The following PDE8A variants were observed in gnomAD, a reference collection of about 807,000 sequenced individuals.
PDE8A encodes the protein high affinity cAMP-specific and IBMX-insensitive 3',5'-cyclic phosphodiesterase 8A.
A neutral mutation model predicts 105.0 loss-of-function variants in PDE8A; 59 were observed. The observed-to-expected ratio is 0.56, with a 90% CI of 0.46 to 0.70. The LOEUF (loss-of-function observed/expected upper bound fraction) is 0.70, where lower values mean the gene tolerates loss of function less well. PDE8A is among the 30% of genes least tolerant of loss of function. The pLI, the probability that PDE8A is intolerant of heterozygous loss-of-function variation, is 0.00. For missense variants in PDE8A, 1,014 were observed against 1,045.9 expected, an observed-to-expected ratio of 0.97 and a Z score of 0.42; for synonymous variants, 355 against 371.9, an observed-to-expected ratio of 0.95 and a Z score of 0.52.
At chr15:85,132,083 T>G (rs2082337651) in intron 20 of PDE8A, among the ~76,000 whole-genome samples, 1 of 152,186 alleles carries the variant, frequency 6.6e-6, no homozygotes, top group African/African-American at 2.4e-5. Flanking sequence ...TACTTGGAGT[T>G]TATTTAGCTT....
intron 1 of PDE8A, among the ~76,000 whole-genome samples, chr15:85,031,670 T>C (rs956301151): frequency 2.0e-5 from 3 of 152,170 alleles, no homozygotes; most frequent in Admixed American, 2.0e-4. Flanking sequence ...AAATCTATAA[T>C]TAGGAATAAT....
At chr15:85,135,239 G>A (rs1335646010) in intron 20 of PDE8A, among the ~76,000 whole-genome samples, 6 of 152,132 alleles carry the variant, frequency 3.9e-5, no homozygotes, top group Non-Finnish European at 7.4e-5. Context: ...TAGAAGACAC[G>A]TCTTGTGAGT....
intron 1 of PDE8A, among the ~76,000 whole-genome samples, chr15:84,987,989 T>C (rs947655245): frequency 6.6e-6 from 1 of 152,224 alleles, no homozygotes; most frequent in African/African-American, 2.4e-5. Flanking sequence ...TAGGAGGTGA[T>C]GGATTCTGCA....
At chr15:84,993,257 C>A (rs778169330) in intron 1 of PDE8A, among the ~76,000 whole-genome samples, 6 of 151,364 alleles carry the variant, frequency 4.0e-5, no homozygotes, top group Non-Finnish European at 7.4e-5. Flanking sequence ...TCCTGGCTAA[C>A]ACGGTGAAAC....
chr15:85,010,295 T>G (rs990439445), intron 1 of PDE8A, among the ~76,000 whole-genome samples: 2 of 152,244 alleles, frequency 1.3e-5, no homozygotes, highest in East Asian at 1.9e-4. Flanking sequence ...AAAAAAACTT[T>G]CAGTGTTTAT....
chr15:85,085,403 TA>T, intron 6 of PDE8A, among the ~76,000 whole-genome samples: 1 of 152,266 alleles, frequency 6.6e-6, no homozygotes, highest in South Asian at 2.1e-4. Context: ...AACTAGAATA[TA>T]AAAACCAGAA....
rs998642496 is a variant in PDE8A at position 85,117,503 on chromosome 15, G to GAGGCC, written c.1536-135_1536-131dup. 84 of 711,938 alleles carry GAGGCC rather than the reference G, an allele frequency of 1.2e-4. No individual in the cohort carries two copies. The African/African-American group carries it at 1.4e-3, about 12-fold the overall frequency. 44.1% of individuals were successfully genotyped at this position (711,938 alleles called of 1,614,324 possible). A position where few individuals can be genotyped will look rare whatever the true frequency, so the allele number is the denominator to read the frequency against. ...CAGAGTTGGTTGGCCCCACCAGAGA[G>GAGGCC]AGGCCAGCACAGCCCAAGCAATCTC... On this transcript the variant is annotated intron_variant, in intron 16 of 21. Coordinates refer to ENST00000394553, the MANE Select transcript of PDE8A (RefSeq NM_002605.3).
chr15:85,105,500 T>A (rs976890364), intron 11 of PDE8A, among the ~76,000 whole-genome samples: 1 of 152,178 alleles, frequency 6.6e-6, no homozygotes, highest in African/African-American at 2.4e-5. Flanking sequence ...GCTGCAGGGC[T>A]AATGCGAGTT....
At chr15:85,116,723 A>T (rs2082102280) in intron 16 of PDE8A, among the ~76,000 whole-genome samples, 1 of 152,182 alleles carries the variant, frequency 6.6e-6, no homozygotes, top group Admixed American at 6.5e-5. Context: ...GTCTAGGCAG[A>T]GGTGTGCTCG....
At chr15:85,009,090 T>TGAGA (rs747103517) in intron 1 of PDE8A, among the ~76,000 whole-genome samples, 2 of 147,828 alleles carry the variant, frequency 1.4e-5, no homozygotes, top group East Asian at 4.0e-4. Flanking sequence ...TGTTAGTGTG[T>TGAGA]GAGAGAGAGA....
chr15:85,100,711 G>A (rs16974846), intron 11 of PDE8A, among the ~76,000 whole-genome samples: 13,476 of 152,178 alleles, frequency 0.089, 1,647 homozygotes, highest in African/African-American at 0.28. Flanking sequence ...TCCTTCAAAC[G>A]TGTCATGACT....
rs538682741 is a variant in PDE8A at position 85,025,709 on chromosome 15, G to A, written c.187-38661G>A. Reference sequence around the variant, plus strand: ...GGCTGACAGTGTTGAAGTGGATAGAGGTACATAGGCCACCTTTAGACCAAA... The same window carrying A: ...GGCTGACAGTGTTGAAGTGGATAGAAGTACATAGGCCACCTTTAGACCAAA... On this transcript the variant is annotated intron_variant, in intron 1 of 21. Coordinates refer to ENST00000394553, the MANE Select transcript of PDE8A (RefSeq NM_002605.3). Among the ~76,000 whole-genome samples the A allele has an allele frequency of 3.9e-5, 6 of 152,288 alleles. No homozygotes were observed. The South Asian group carries it at 1.0e-3, about 26-fold the overall frequency.
intron 1 of PDE8A, among the ~76,000 whole-genome samples, chr15:85,006,631 G>A (rs757590885): frequency 2.7e-4 from 41 of 151,362 alleles, no homozygotes; most frequent in Admixed American, 9.9e-4. Context: ...GAGAAATAGA[G>A]TTTTTCTTCT....
chr15:84,991,045 G>T (rs1013233279), intron 1 of PDE8A, among the ~76,000 whole-genome samples: 1 of 152,004 alleles, frequency 6.6e-6, no homozygotes, highest in Non-Finnish European at 1.5e-5. Context: ...TCTTTTTAAA[G>T]TTTTTATTTT....
At chr15:84,981,682 G>C (rs943889798), upstream of PDE8A, among the ~76,000 whole-genome samples, 2 of 151,322 alleles carry the variant, frequency 1.3e-5, no homozygotes, top group African/African-American at 2.4e-5. Flanking sequence ...GCGGAGTCTG[G>C]AGCCGGGGAG....
intron 20 of PDE8A, among the ~76,000 whole-genome samples, chr15:85,132,663 G>A (rs1366837867): frequency 1.3e-5 from 2 of 151,974 alleles, no homozygotes; most frequent in East Asian, 1.9e-4. Context: ...ATGAGGTTTC[G>A]CCAGGCTGGT....
intron 7 of PDE8A, chr15:85,090,707 C>T (rs773796975): frequency 6.7e-6 from 3 of 447,702 alleles, no homozygotes; most frequent in South Asian, 4.8e-5. Flanking sequence ...CCCCCACCCC[C>T]ATCTAAACAG....
chr15:85,003,775 G>A (rs2080103001), intron 1 of PDE8A, among the ~76,000 whole-genome samples: 1 of 152,150 alleles, frequency 6.6e-6, no homozygotes, highest in Non-Finnish European at 1.5e-5. Context: ...GCCTGCCTAA[G>A]AGATATTTAA....
At chr15:85,024,474 C>G (rs1015996405) in intron 1 of PDE8A, among the ~76,000 whole-genome samples, 1 of 151,920 alleles carries the variant, frequency 6.6e-6, no homozygotes, top group African/African-American at 2.4e-5. Flanking sequence ...TAGCCAAGTT[C>G]CATGCAGGTT....
Sources: allele counts gnomAD v4.1 joint callset (sites outside exome capture counted in the v4.1 genomes callset), GRCh38; gene constraint gnomAD v4.1.1; transcripts MANE v1.5; gene names NCBI Gene and HGNC (gene_info 2026-07-23, HGNC 2026-07-21).